CFAP99: variants seen among roughly 807,000 people sequenced by gnomAD.
CFAP99 encodes cilia and flagella associated protein 99, also known as cilia- and flagella-associated protein 99.
CFAP99 carries 84 observed loss-of-function variants against 82.7 expected under a neutral mutation model. The observed-to-expected ratio is 1.02, with a 90% CI of 0.85 to 1.22. CFAP99 has a LOEUF of 1.22. CFAP99 is among the 50% of genes most tolerant of loss of function. The pLI is 0.00. For missense variants in CFAP99, 1,059 were observed against 983.5 expected (o/e 1.08, Z -1.03); for synonymous variants, 456 against 429.5 (o/e 1.06, Z -0.76).
chr4:2,457,572 TGGAGCCAG>T (rs1734466586), intron 11 of CFAP99, among the ~76,000 whole-genome samples: 1 of 152,154 alleles, frequency 6.6e-6, no homozygotes, highest in South Asian at 2.1e-4. Flanking sequence ...GATGTCTGAG[TGGAGCCAG>T]CCAGGCATGT....
Position 2,421,385 on chromosome 4 carries a change from C to T in CFAP99, c.-18+2292C>T, listed in dbSNP as rs1049184803. On this transcript the variant is annotated intron_variant, in intron 1 of 14. Coordinates refer to ENST00000635017, the Ensembl canonical transcript of CFAP99. ...TTTTTTTTTTTTTGAGATGGCGTCTCGCTCTGTCGCCCAGGCTGGAGTGCA... is the reference window on the plus strand; with the variant it reads ...TTTTTTTTTTTTTGAGATGGCGTCTTGCTCTGTCGCCCAGGCTGGAGTGCA... Among the ~76,000 whole-genome samples the T allele has an allele frequency of 3.3e-5, 4 of 120,316 alleles. No individual in the cohort carries two copies. The Admixed American group carries it at 3.6e-4, about 11-fold the overall frequency. 78.9% of individuals were successfully genotyped at this position (120,316 alleles called of 152,430 possible).
At chr4:2,457,127 T>G (rs1279910572) in intron 11 of CFAP99, among the ~76,000 whole-genome samples, 1 of 151,798 alleles carries the variant, frequency 6.6e-6, no homozygotes. Context: ...TAGTTTTGTA[T>G]TTTCTGTAGA....
intron 1 of CFAP99, among the ~76,000 whole-genome samples, chr4:2,423,997 C>T (rs1387940713): frequency 6.6e-6 from 1 of 152,240 alleles, no homozygotes; most frequent in Non-Finnish European, 1.5e-5. Flanking sequence ...GTCTCCAGGG[C>T]CTGTTTTCAG....
At position 2,462,478 on chromosome 4, in the gene CFAP99, C is replaced by A. The variant is rs1410302321; in HGVS notation, c.1697C>A (p.Ala566Glu). ...AAGAAGGCCCTTGCGGCGGCCCCGG[C>A]GGCGCCCTCGCAGGACGAGCGCGTG... The change falls in exon 15 of 15, where the codon GCG becomes GAG. Residue 566 changes from alanine to glutamate, a missense_variant. Transcript: ENST00000635017. The surrounding 1 kb of genome is among the most constrained non-coding windows in gnomAD (Gnocchi z 4.1). The A allele has an allele frequency of 2.0e-6, 3 of 1,471,152 alleles. No individual in the cohort carries two copies. The highest frequency in any genetic ancestry group is 2.5e-5 in the Admixed American group (1 of 39,962). 91.1% of individuals were successfully genotyped at this position (1,471,152 alleles called of 1,614,324 possible).
chr4:2,454,240 A>G (rs1734370605), intron 11 of CFAP99, among the ~76,000 whole-genome samples: 1 of 152,126 alleles, frequency 6.6e-6, no homozygotes, highest in African/African-American at 2.4e-5. Context: ...TGGCCTCGTG[A>G]TCCACCCACC....
intron 11 of CFAP99, among the ~76,000 whole-genome samples, chr4:2,457,787 G>A (rs114455979): frequency 3.9e-4 from 59 of 152,240 alleles, no homozygotes; most frequent in African/African-American, 1.4e-3. Flanking sequence ...ATTCCGTGCC[G>A]AGGCTGGTGC....
At chr4:2,450,141 G>GC in intron 8 of CFAP99, 136 bp downstream of exon 8, 1 of 875,292 alleles carries the variant, frequency 1.1e-6, no homozygotes, top group Non-Finnish European at 1.8e-6. Context: ...CGGATTCCCA[G>GC]TAGCACTGGG....
At chr4:2,432,884 G>A (rs746077870) in intron 2 of CFAP99, among the ~76,000 whole-genome samples, 8 of 152,326 alleles carry the variant, frequency 5.3e-5, no homozygotes, top group Admixed American at 2.6e-4. Context: ...TGCCTCCTCT[G>A]GGAGAGAGAA....
chr4:2,462,401 C>T lies in CFAP99; in HGVS notation c.1662-42C>T, dbSNP rs576827569. On this transcript the variant is annotated intron_variant, in intron 14 of 14. Coordinates refer to ENST00000635017, the Ensembl canonical transcript of CFAP99. The surrounding 1 kb of genome is among the most constrained non-coding windows in gnomAD (Gnocchi z 4.1). ...GTGGCATCCTGGGTCTGGCCTGGGCCTCCCGCCGGCCTGCTCCTGAGCCCG... is the reference window on the plus strand; with the variant it reads ...GTGGCATCCTGGGTCTGGCCTGGGCTTCCCGCCGGCCTGCTCCTGAGCCCG... 624 of 1,395,118 alleles carry T rather than the reference C, an allele frequency of 4.5e-4. 1 individual carries two copies. Among genetic ancestry groups the T allele is most frequent in the Admixed American group, 1.7e-3 (47 of 27,240 alleles). The allele number at this position is 1,395,118 out of a possible 1,614,324, so 86.4% of individuals were successfully genotyped here. A position where few individuals can be genotyped will look rare whatever the true frequency, so the allele number is the denominator to read the frequency against.
chr4:2,458,863 A>AGG lies in CFAP99; in HGVS notation c.1303_1303+1dup, dbSNP rs1427492708. 4.0e-5 allele frequency: 62 copies of AGG among 1,533,992 alleles called. No homozygotes were observed. The highest frequency in any genetic ancestry group is 5.4e-5 in the Non-Finnish European group (62 of 1,145,908). ...AGCTCGCGAAGGGCCGACAGCAGAC[A>AGG]GGTAGTCAGGAGCCAGATGTCACTG... On this transcript the variant is annotated frameshift_variant and splice_region_variant, in exon 12 of 15. Transcript: ENST00000635017. LOFTEE classifies it high-confidence loss of function.
At chr4:2,429,275 C>A (rs1733750223) in intron 2 of CFAP99, 1 of 152,008 alleles carries the variant, frequency 6.6e-6, no homozygotes, top group Non-Finnish European at 1.5e-5. Flanking sequence ...AAGTTCATGT[C>A]TTTATTTCTT....
chr4:2,459,291 C>T (rs1196893636), intron 13 of CFAP99, 33 bp downstream of exon 13: 8 of 1,494,184 alleles, frequency 5.4e-6, no homozygotes, highest in Non-Finnish European at 7.1e-6. Flanking sequence ...GCCCATGCCT[C>T]AGGGGCCTCC....
chr4:2,462,920 CG>C lies in CFAP99; in HGVS notation c.2140del (p.Ala714ProfsTer?). 1.5e-6 allele frequency: 2 copies of C among 1,297,264 alleles called. No individual in the cohort carries two copies. The highest frequency in any genetic ancestry group is 9.7e-7 in the Non-Finnish European group (1 of 1,029,446). 80.4% of individuals were successfully genotyped at this position (1,297,264 alleles called of 1,614,324 possible). The stretch of plus-strand genomic sequence containing the variant: ...CCGGGCCCGCGCGCCGCCTGGAGGC[CG>C]CCTGAGCCGGGCCGAGCGCGCCCCA... On this transcript the variant is annotated frameshift_variant, in exon 15 of 15. Transcript: ENST00000635017. LOFTEE classifies it high-confidence loss of function. The surrounding 1 kb of genome is among the most constrained non-coding windows in gnomAD (Gnocchi z 4.1).
intron 11 of CFAP99, among the ~76,000 whole-genome samples, chr4:2,455,964 G>A (rs77463222): frequency 2.6e-5 from 4 of 152,058 alleles, no homozygotes; most frequent in Admixed American, 2.0e-4. Context: ...ACAACCCGAC[G>A]CATGGGCACC....
intron 6 of CFAP99, among the ~76,000 whole-genome samples, chr4:2,449,064 T>A (rs1173815691): frequency 2.0e-5 from 3 of 152,016 alleles, no homozygotes; most frequent in African/African-American, 7.3e-5. Flanking sequence ...GACTGTTAGA[T>A]GTGCAGGGGA....
At position 2,451,359 on chromosome 4, in the gene CFAP99, G is replaced by T; in HGVS notation, c.956+7G>T. 1 of 1,534,986 alleles carries T rather than the reference G, an allele frequency of 6.5e-7. No individual in the cohort carries two copies. On this transcript the variant is annotated splice_region_variant and intron_variant, in intron 10 of 14. Coordinates refer to ENST00000635017, the Ensembl canonical transcript of CFAP99. The stretch of plus-strand genomic sequence containing the variant: ...TGGAGCAGGAGCTGCAGAGGTGAAG[G>T]GCGGCAGGCCCCCCCACCTGCCTTC...
chr4:2,458,783 G>C, exon 12 of CFAP99: 1 of 1,535,956 alleles, frequency 6.5e-7, no homozygotes, highest in Non-Finnish European at 8.7e-7. Context: ...GTCCAGGAAG[G>C]AGCTGGTGGA....
At chr4:2,452,553 G>T (rs1160939539) in intron 11 of CFAP99, among the ~76,000 whole-genome samples, 3 of 152,186 alleles carry the variant, frequency 2.0e-5, no homozygotes, top group Non-Finnish European at 4.4e-5. Flanking sequence ...GAGAGTGCCT[G>T]CTCCTTCCAG....
At chr4:2,452,270 G>C in exon 11 of CFAP99, 1 of 1,535,994 alleles carries the variant, frequency 6.5e-7, no homozygotes, top group Non-Finnish European at 8.7e-7. Context: ...GGGAAGCTTA[G>C]CCATGAGGAG....
Sources: allele counts gnomAD v4.1 joint callset (sites outside exome capture counted in the v4.1 genomes callset), GRCh38; gene constraint gnomAD v4.1.1; non-coding constraint Gnocchi (gnomAD v3.1); transcripts MANE v1.5; gene names NCBI Gene and HGNC (gene_info 2026-07-23, HGNC 2026-07-21).